Variants in CNTNAP2 observed in about 807,000 individuals in gnomAD.
The protein encoded by CNTNAP2 is contactin-associated protein-like 2.
Under a neutral mutation model 155.2 loss-of-function variants are expected in CNTNAP2, and 98 were observed. That is an observed-to-expected ratio of 0.63 (90% confidence interval 0.54 to 0.75). The LOEUF (loss-of-function observed/expected upper bound fraction) is 0.75. Ranked by LOEUF, CNTNAP2 falls within the 30% of genes least tolerant of loss-of-function variation. CNTNAP2 has a pLI of 0.00. For synonymous variants in CNTNAP2, 651 were observed against 631.2 expected, an observed-to-expected ratio of 1.03 and a Z score of -0.47; for missense variants, 1,727 against 1,688.1, an observed-to-expected ratio of 1.02 and a Z score of -0.40.
intron 14 of CNTNAP2, among the ~76,000 whole-genome samples, chr7:147,976,153 C>A (rs936514291): frequency 1.3e-5 from 2 of 152,060 alleles, no homozygotes; most frequent in South Asian, 2.1e-4. Context: ...AGCTTTTGAG[C>A]CATACAAAAA....
intron 1 of CNTNAP2, among the ~76,000 whole-genome samples, chr7:146,673,543 A>G (rs1800345066): frequency 6.6e-6 from 1 of 152,176 alleles, no homozygotes; most frequent in African/African-American, 2.4e-5. Flanking sequence ...CTACTCTTGT[A>G]ACAAGTAGCC....
intron 10 of CNTNAP2, among the ~76,000 whole-genome samples, chr7:147,457,402 C>T (rs902661318): frequency 4.6e-5 from 7 of 152,166 alleles, no homozygotes; most frequent in African/African-American, 9.7e-5. Context: ...TATCCTACAT[C>T]GCTGATCACT....
intron 1 of CNTNAP2, among the ~76,000 whole-genome samples, chr7:146,411,603 A>C (rs776758462): frequency 2.0e-5 from 3 of 152,116 alleles, no homozygotes; most frequent in Admixed American, 6.6e-5. Context: ...ATAAATATGT[A>C]TAATTTTATC....
At chr7:147,409,239 A>C (rs75122002) in intron 10 of CNTNAP2, among the ~76,000 whole-genome samples, 43 of 152,284 alleles carry the variant, frequency 2.8e-4, no homozygotes, top group African/African-American at 9.6e-4. Context: ...TTGAGATAGA[A>C]GTGCAGGTAC....
intron 4 of CNTNAP2, among the ~76,000 whole-genome samples, chr7:147,079,164 C>T (rs989155634): frequency 6.6e-5 from 10 of 152,122 alleles, no homozygotes; most frequent in African/African-American, 1.9e-4. Flanking sequence ...AAAGATTTTA[C>T]GCATTTTGAC....
intron 15 of CNTNAP2, among the ~76,000 whole-genome samples, chr7:148,061,970 GA>G (rs1803155567): frequency 7.9e-6 from 1 of 125,972 alleles, no homozygotes; most frequent in African/African-American, 3.8e-5. Flanking sequence ...TAGATAGATA[GA>G]TAGATAGATA....
chr7:147,373,034 G>C (rs976561708), intron 9 of CNTNAP2, among the ~76,000 whole-genome samples: 4 of 151,744 alleles, frequency 2.6e-5, no homozygotes. Flanking sequence ...CTAACTGATC[G>C]TACCGTCCAG....
chr7:148,016,383 C>T (rs978638807), intron 15 of CNTNAP2, among the ~76,000 whole-genome samples: 4 of 152,202 alleles, frequency 2.6e-5, no homozygotes, highest in African/African-American at 9.6e-5. Context: ...CCTTCTCCTA[C>T]TGTGGCCGCT....
chr7:146,454,008 A>AAGAT (rs1388778852), intron 1 of CNTNAP2, among the ~76,000 whole-genome samples: 6 of 152,284 alleles, frequency 3.9e-5, no homozygotes, highest in Non-Finnish European at 8.8e-5. Context: ...TATCAATTAA[A>AAGAT]AGATAGAAAA....
At chr7:147,793,005 G>A (rs1481210256) in intron 13 of CNTNAP2, among the ~76,000 whole-genome samples, 1 of 152,006 alleles carries the variant, frequency 6.6e-6, no homozygotes, top group Non-Finnish European at 1.5e-5. Flanking sequence ...CTTGGAGCAA[G>A]TCTTATTTTG....
chr7:146,633,567 C>G (rs1799544648), intron 1 of CNTNAP2, among the ~76,000 whole-genome samples: 1 of 151,920 alleles, frequency 6.6e-6, no homozygotes, highest in African/African-American at 2.4e-5. Context: ...GTTATCTGAA[C>G]AGCATGTGAA....
intron 13 of CNTNAP2, among the ~76,000 whole-genome samples, chr7:147,691,591 AG>A (rs1796087954): frequency 6.6e-6 from 1 of 152,176 alleles, no homozygotes; most frequent in Non-Finnish European, 1.5e-5. Flanking sequence ...ACCACAATGT[AG>A]GATTTCCCCC....
At chr7:147,312,042 A>T (rs978203811) in intron 9 of CNTNAP2, among the ~76,000 whole-genome samples, 12 of 152,086 alleles carry the variant, frequency 7.9e-5, no homozygotes, top group Non-Finnish European at 1.6e-4. Flanking sequence ...CTTGTTTTCC[A>T]TTGTTGAGTT....
intron 2 of CNTNAP2, among the ~76,000 whole-genome samples, chr7:146,788,541 G>A (rs1470869085): frequency 6.6e-6 from 1 of 152,108 alleles, no homozygotes; most frequent in Non-Finnish European, 1.5e-5. Context: ...ACAAAAACAA[G>A]TGCCAAGAAG....
chr7:146,941,922 C>A (rs919426242), intron 3 of CNTNAP2, among the ~76,000 whole-genome samples: 2 of 151,794 alleles, frequency 1.3e-5, no homozygotes, highest in Non-Finnish European at 2.9e-5. Flanking sequence ...TTTCAGAATT[C>A]TCTCTTTGTC....
intron 12 of CNTNAP2, among the ~76,000 whole-genome samples, chr7:147,637,083 A>G (rs979304103): frequency 6.6e-6 from 1 of 152,048 alleles, no homozygotes; most frequent in African/African-American, 2.4e-5. Flanking sequence ...AGAGGCGGGG[A>G]GGAGCCAGGT....
chr7:147,851,326 A>G (rs1052668359), intron 13 of CNTNAP2, among the ~76,000 whole-genome samples: 14 of 152,360 alleles, frequency 9.2e-5, no homozygotes, highest in African/African-American at 3.4e-4. Context: ...TGTTGGTGGG[A>G]CTGTAAACTA....
chr7:147,583,182 A>G (rs1800541875), intron 12 of CNTNAP2, among the ~76,000 whole-genome samples: 1 of 152,092 alleles, frequency 6.6e-6, no homozygotes, highest in Non-Finnish European at 1.5e-5. Flanking sequence ...ATGAGAAATA[A>G]TTATCTAGAA....
At chr7:146,998,917 T>C (rs986214996) in intron 3 of CNTNAP2, among the ~76,000 whole-genome samples, 1 of 151,990 alleles carries the variant, frequency 6.6e-6, no homozygotes, top group Non-Finnish European at 1.5e-5. Context: ...TGTAGTGCAT[T>C]TCAACATATA....
Sources: allele counts gnomAD v4.1 joint callset (sites outside exome capture counted in the v4.1 genomes callset), GRCh38; gene constraint gnomAD v4.1.1; transcripts MANE v1.5; gene names NCBI Gene and HGNC (gene_info 2026-07-23, HGNC 2026-07-21).